Variants in SPOCK3 observed in about 807,000 individuals in gnomAD.
SPOCK3 encodes SPARC (osteonectin), cwcv and kazal like domains proteoglycan 3.
Under a neutral mutation model 56.6 loss-of-function variants are expected in SPOCK3, and 30 were observed. That is an observed-to-expected ratio of 0.53 (90% confidence interval 0.40 to 0.72). The LOEUF is 0.72. Ranked by LOEUF, SPOCK3 falls within the 30% of genes least tolerant of loss-of-function variation. The pLI is 0.00. For synonymous variants in SPOCK3, 196 were observed against 183.3 expected (o/e 1.07, Z -0.56); for missense variants, 527 against 530.0 (o/e 0.99, Z 0.06).
At chr4:166,848,667 T>A (rs1402030884) in intron 6 of SPOCK3, among the ~76,000 whole-genome samples, 1 of 152,188 alleles carries the variant, frequency 6.6e-6, no homozygotes, top group Non-Finnish European at 1.5e-5. Flanking sequence ...ATATCTACAT[T>A]TGCTACTCTT....
At chr4:167,080,726 A>T (rs1757626578) in intron 2 of SPOCK3, among the ~76,000 whole-genome samples, 1 of 151,924 alleles carries the variant, frequency 6.6e-6, no homozygotes, top group Non-Finnish European at 1.5e-5. Context: ...CCTACCCGAG[A>T]TAGAAAAATA....
intron 4 of SPOCK3, among the ~76,000 whole-genome samples, chr4:166,967,453 T>C (rs1380624841): frequency 1.3e-5 from 2 of 152,164 alleles, no homozygotes; most frequent in Non-Finnish European, 2.9e-5. Flanking sequence ...GGGGGCAGAT[T>C]TCCCCCTTGT....
At chr4:167,104,090 C>T (rs931923910) in intron 2 of SPOCK3, among the ~76,000 whole-genome samples, 2 of 152,026 alleles carry the variant, frequency 1.3e-5, no homozygotes, top group Non-Finnish European at 2.9e-5. Context: ...CTTTCAAGTA[C>T]GTAAAAAGTC....
intron 4 of SPOCK3, among the ~76,000 whole-genome samples, chr4:166,926,240 T>C (rs1739082978): frequency 6.6e-6 from 1 of 152,144 alleles, no homozygotes; most frequent in South Asian, 2.1e-4. Context: ...ATATAGAACA[T>C]GAGAAAAAAT....
At chr4:166,741,899 GTCTA>G in intron 9 of SPOCK3, 94 bp downstream of exon 9, 1 of 871,566 alleles carries the variant, frequency 1.1e-6, no homozygotes, top group Non-Finnish European at 1.8e-6. Context: ...ATTTAGTGCA[GTCTA>G]TCTTTGTTGG....
In SPOCK3 at chr4:167,122,361, G is replaced by A. The variant is rs572531778; in HGVS notation, c.190-59824C>T. On this transcript the variant is annotated intron_variant, in intron 2 of 10. Coordinates refer to ENST00000357545, the MANE Select transcript of SPOCK3 (RefSeq NM_001040159.2). ...GACGGGGTTTTGCCATGTTGCCCAA[G>A]CTGGTCTAGAACTCCTGAGTTCAAG... Among the ~76,000 whole-genome samples, 6 of 152,242 alleles carry A rather than the reference G, an allele frequency of 3.9e-5. 1 individual carries two copies. The South Asian group carries it at 1.2e-3, about 32-fold the overall frequency.
intron 4 of SPOCK3, among the ~76,000 whole-genome samples, chr4:166,967,611 C>A (rs1045481620): frequency 6.6e-6 from 1 of 152,182 alleles, no homozygotes; most frequent in Admixed American, 6.5e-5. Context: ...CCTGAGGCCT[C>A]CCCAGTCAGT....
At chr4:166,847,133 T>G (rs565173385) in intron 6 of SPOCK3, among the ~76,000 whole-genome samples, 2 of 152,228 alleles carry the variant, frequency 1.3e-5, no homozygotes, top group Admixed American at 1.3e-4. Context: ...AATGGAAGAC[T>G]GATATGTCAT....
chr4:167,163,999 G>C (rs995310916), intron 2 of SPOCK3, among the ~76,000 whole-genome samples: 4 of 152,034 alleles, frequency 2.6e-5, no homozygotes, highest in Non-Finnish European at 5.9e-5. Flanking sequence ...GGAAATCTTG[G>C]AAATTTTATT....
intron 2 of SPOCK3, among the ~76,000 whole-genome samples, chr4:167,183,907 T>A (rs925690239): frequency 6.6e-6 from 1 of 152,176 alleles, no homozygotes. Flanking sequence ...TAGAAACTTT[T>A]ATTAGAGATG....
chr4:166,913,254 A>G (rs1737468545), intron 4 of SPOCK3, among the ~76,000 whole-genome samples: 1 of 152,228 alleles, frequency 6.6e-6, no homozygotes, highest in African/African-American at 2.4e-5. Context: ...AGGTTTAGTG[A>G]TAACAAATCT....
Position 166,914,252 on chromosome 4 carries a change from G to A in SPOCK3, c.351-1509C>T, listed in dbSNP as rs117998807. On this transcript the variant is annotated intron_variant, in intron 4 of 10. Coordinates refer to ENST00000357545, the MANE Select transcript of SPOCK3 (RefSeq NM_001040159.2). ...GATTGTAGTAAAAAAAAAATAAGAC[G>A]TATATGTCCTTTATGCTTAGGTTTA... Among the ~76,000 whole-genome samples, 104 of 151,810 alleles carry A rather than the reference G, an allele frequency of 6.9e-4. 2 individuals are homozygous for A. In the East Asian group the frequency reaches 0.016, roughly 24 times the overall value.
intron 3 of SPOCK3, among the ~76,000 whole-genome samples, chr4:167,048,525 A>G (rs965057208): frequency 6.6e-6 from 1 of 152,174 alleles, no homozygotes; most frequent in African/African-American, 2.4e-5. Context: ...GGAAACTTCA[A>G]CAGCTTAGGA....
At chr4:167,060,605 CTT>C (rs1315726312) in intron 3 of SPOCK3, among the ~76,000 whole-genome samples, 4 of 152,064 alleles carry the variant, frequency 2.6e-5, no homozygotes, top group East Asian at 3.9e-4. Flanking sequence ...GAAATCAAAA[CTT>C]GAGATCAGAT....
intron 2 of SPOCK3, among the ~76,000 whole-genome samples, chr4:167,194,949 C>T (rs1273441417): frequency 2.6e-5 from 4 of 152,100 alleles, no homozygotes; most frequent in African/African-American, 9.7e-5. Context: ...CAGTACTAGC[C>T]CCTAAATCAC....
chr4:167,016,302 A>G (rs1750608590), intron 3 of SPOCK3, among the ~76,000 whole-genome samples: 1 of 152,166 alleles, frequency 6.6e-6, no homozygotes, highest in Non-Finnish European at 1.5e-5. Flanking sequence ...ACAACAATGA[A>G]TCTGAAACAT....
At position 167,000,390 on chromosome 4, in the gene SPOCK3, A is replaced by C; in HGVS notation, c.309T>G (p.Ser103=). 1 of 1,606,384 alleles carries C rather than the reference A, an allele frequency of 6.2e-7. No homozygotes were observed. Among genetic ancestry groups the C allele is most frequent in the Non-Finnish European group, 8.5e-7 (1 of 1,175,502 alleles). ...GGTGACTAATGCAGACTGCAGTCTGAGAATCTTGAGCAATGCATACTTTAT... is the reference window on the plus strand; with the variant it reads ...GGTGACTAATGCAGACTGCAGTCTGCGAATCTTGAGCAATGCATACTTTAT... ...SRHKVCIAQD[S]QTAVCISHRR... The change falls in exon 4 of 11, where the codon TCT becomes TCG. Residue 103 remains serine (S), a synonymous_variant. Coordinates refer to ENST00000357545, the MANE Select transcript of SPOCK3 (RefSeq NM_001040159.2).
At chr4:166,896,204 C>T (rs577625539) in intron 5 of SPOCK3, among the ~76,000 whole-genome samples, 40 of 152,248 alleles carry the variant, frequency 2.6e-4, no homozygotes, top group African/African-American at 7.7e-4. Flanking sequence ...CTGTCTATTG[C>T]TTCTTAATAT....
At chr4:166,956,391 G>A (rs1425846314) in intron 4 of SPOCK3, among the ~76,000 whole-genome samples, 1 of 151,982 alleles carries the variant, frequency 6.6e-6, no homozygotes, top group Non-Finnish European at 1.5e-5. Flanking sequence ...AGTAAAATAA[G>A]GGTTACTTGA....
Sources: allele counts gnomAD v4.1 joint callset (sites outside exome capture counted in the v4.1 genomes callset), GRCh38; gene constraint gnomAD v4.1.1; transcripts MANE v1.5; gene names NCBI Gene and HGNC (gene_info 2026-07-23, HGNC 2026-07-21).